The following ROBO2 variants were observed in gnomAD, a reference collection of about 807,000 sequenced individuals.
The protein encoded by ROBO2 is roundabout homolog 2.
Under a neutral mutation model 160.8 loss-of-function variants are expected in ROBO2, and 53 were observed. The ratio of observed to expected loss-of-function variants is 0.33; its 90% CI spans 0.26 to 0.41. The LOEUF (loss-of-function observed/expected upper bound fraction) is 0.41, where lower values mean the gene tolerates loss of function less well. ROBO2 is among the 10% of genes least tolerant of loss of function. The pLI is 1.00. For synonymous variants in ROBO2, 664 were observed against 611.7 expected (o/e 1.09, Z -1.26); for missense variants, 1,577 against 1,722.4 (o/e 0.92, Z 1.49).
chr3:76,674,749 C>T (rs758717399), intron 2 of ROBO2, among the ~76,000 whole-genome samples: 5 of 152,220 alleles, frequency 3.3e-5, no homozygotes, highest in East Asian at 3.9e-4. Flanking sequence ...ATTCTGTCTG[C>T]GTTTCTAACG....
chr3:76,109,716 A>G (rs2070130851), intron 2 of ROBO2, among the ~76,000 whole-genome samples: 2 of 151,932 alleles, frequency 1.3e-5, no homozygotes, highest in Non-Finnish European at 2.9e-5. Context: ...GTTTTGTCAC[A>G]TGGCTATATT....
chr3:76,225,338 A>G (rs1704219535), intron 2 of ROBO2, among the ~76,000 whole-genome samples: 1 of 152,196 alleles, frequency 6.6e-6, no homozygotes, highest in African/African-American at 2.4e-5. Flanking sequence ...TGTGTGTATT[A>G]ATTTTTTATG....
rs543276992 is a variant in ROBO2 at position 76,572,608 on chromosome 3, T to A, written c.110-525406T>A. ...GTCCTTACTTCCCACCTATAGATATTCTTATGTCAAAATGAATACGTCAAA... is the reference window on the plus strand; with the variant it reads ...GTCCTTACTTCCCACCTATAGATATACTTATGTCAAAATGAATACGTCAAA... On this transcript the variant is annotated intron_variant, in intron 2 of 26. Coordinates refer to the ROBO2 transcript ENST00000487694. Among the ~76,000 whole-genome samples the A allele has an allele frequency of 2.0e-5, 3 of 152,256 alleles. No individual in the cohort carries two copies. In the East Asian group the frequency reaches 5.8e-4, roughly 29 times the overall value.
chr3:76,053,894 A>G (rs1382824313), intron 2 of ROBO2, among the ~76,000 whole-genome samples: 1 of 152,118 alleles, frequency 6.6e-6, no homozygotes, highest in Non-Finnish European at 1.5e-5. Context: ...AGAGCTTTTT[A>G]TAGTTTAATA....
intron 2 of ROBO2, among the ~76,000 whole-genome samples, chr3:76,541,105 G>A (rs1484577006): frequency 1.3e-5 from 2 of 152,094 alleles, no homozygotes; most frequent in Non-Finnish European, 2.9e-5. Flanking sequence ...AAGCCAATTC[G>A]ACTTTTCATT....
At chr3:76,513,551 T>A (rs2081205975) in intron 2 of ROBO2, among the ~76,000 whole-genome samples, 1 of 152,110 alleles carries the variant, frequency 6.6e-6, no homozygotes, top group Non-Finnish European at 1.5e-5. Context: ...ATTGCAGGTG[T>A]GAGCCACCAC....
At position 76,272,890 on chromosome 3, in the gene ROBO2, A is replaced by G. The variant is rs1707600790; in HGVS notation, c.109+335288A>G. 8.9e-5 allele frequency among the ~76,000 whole-genome samples: 6 copies of G among 67,448 alleles called. No homozygotes were observed. In the South Asian group the frequency reaches 2.1e-3, roughly 23 times the overall value. The allele number at this position is 67,448 out of a possible 152,430, so 44.2% of individuals were successfully genotyped here. ...AAATATATAATATATATTTATATATAAAAATATAATATATATTTATATATA... is the reference window on the plus strand; with the variant it reads ...AAATATATAATATATATTTATATATGAAAATATAATATATATTTATATATA... On this transcript the variant is annotated intron_variant, in intron 2 of 26. Coordinates refer to the ROBO2 transcript ENST00000487694.
chr3:76,475,679 C>G (rs574732868), intron 2 of ROBO2, among the ~76,000 whole-genome samples: 1 of 152,222 alleles, frequency 6.6e-6, no homozygotes, highest in African/African-American at 2.4e-5. Flanking sequence ...CTAGTTCAAA[C>G]ATTTTTGCTG....
intron 2 of ROBO2, among the ~76,000 whole-genome samples, chr3:76,685,390 T>C (rs1026911279): frequency 6.6e-6 from 1 of 152,160 alleles, no homozygotes; most frequent in Non-Finnish European, 1.5e-5. Flanking sequence ...AAGCTTAAAC[T>C]ATTTTTATTA....
chr3:76,800,642 C>T (rs961377756), intron 2 of ROBO2, among the ~76,000 whole-genome samples: 1 of 152,024 alleles, frequency 6.6e-6, no homozygotes, highest in Non-Finnish European at 1.5e-5. Context: ...TATTGATCAT[C>T]AGAGAAATGC....
intron 2 of ROBO2, among the ~76,000 whole-genome samples, chr3:77,214,960 G>T (rs2084722682): frequency 6.6e-6 from 1 of 152,146 alleles, no homozygotes; most frequent in East Asian, 1.9e-4. Context: ...CTGTTAGTCT[G>T]ATGGGCTTCC....
chr3:77,436,128 C>G (rs982611704), intron 2 of ROBO2, among the ~76,000 whole-genome samples: 1 of 150,952 alleles, frequency 6.6e-6, no homozygotes, highest in African/African-American at 2.4e-5. Context: ...CTTAGGTTCT[C>G]TAATGCATGT....
chr3:76,800,078 T>A (rs1315009602), intron 2 of ROBO2, among the ~76,000 whole-genome samples: 3 of 152,074 alleles, frequency 2.0e-5, no homozygotes, highest in Non-Finnish European at 4.4e-5. Flanking sequence ...ACATCTAAAG[T>A]GAACTCATTT....
chr3:77,274,196 A>G (rs2059681470), intron 2 of ROBO2, among the ~76,000 whole-genome samples: 1 of 152,190 alleles, frequency 6.6e-6, no homozygotes, highest in African/African-American at 2.4e-5. Context: ...CATATAAAAT[A>G]CATGCTTACA....
At chr3:77,246,917 T>C (rs932812203) in intron 2 of ROBO2, among the ~76,000 whole-genome samples, 1 of 152,214 alleles carries the variant, frequency 6.6e-6, no homozygotes, top group Non-Finnish European at 1.5e-5. Context: ...CTATTTGATT[T>C]ACATGTTTAT....
intron 2 of ROBO2, among the ~76,000 whole-genome samples, chr3:76,076,831 G>A (rs1401243225): frequency 3.3e-5 from 5 of 152,290 alleles, no homozygotes; most frequent in East Asian, 1.9e-4. Flanking sequence ...TAATTAAAGA[G>A]ATGCCATACA....
chr3:76,568,360 C>T (rs2084733588), intron 2 of ROBO2, among the ~76,000 whole-genome samples: 1 of 151,896 alleles, frequency 6.6e-6, no homozygotes, highest in Non-Finnish European at 1.5e-5. Flanking sequence ...TGCAGTGGTG[C>T]GATCTCGGCT....
At chr3:77,389,047 C>T (rs1406976499) in intron 2 of ROBO2, among the ~76,000 whole-genome samples, 1 of 152,140 alleles carries the variant, frequency 6.6e-6, no homozygotes, top group African/African-American at 2.4e-5. Flanking sequence ...TGGGTTCAAG[C>T]GATTCTCCTG....
At chr3:76,266,389 C>T (rs1707101902) in intron 2 of ROBO2, among the ~76,000 whole-genome samples, 1 of 152,088 alleles carries the variant, frequency 6.6e-6, no homozygotes, top group African/African-American at 2.4e-5. Context: ...AAGCCACTTC[C>T]ACTAATTTAC....
Sources: gnomAD v4.1 joint callset for allele counts (sites outside exome capture counted in the v4.1 genomes callset) on GRCh38, gnomAD v4.1.1 for gene constraint, MANE v1.5 for transcripts, NCBI Gene and HGNC (gene_info 2026-07-23, HGNC 2026-07-21) for gene names.